The following HNMT variants were observed in gnomAD, a reference collection of about 807,000 sequenced individuals.
HNMT encodes histamine N-methyltransferase.
Under a neutral mutation model 32.1 loss-of-function variants are expected in HNMT, and 30 were observed. The observed-to-expected ratio is 0.93, with a 90% CI of 0.70 to 1.27. The LOEUF (loss-of-function observed/expected upper bound fraction) is 1.27, where lower values mean the gene tolerates loss of function less well. HNMT is among the 50% of genes most tolerant of loss of function. The probability of loss-of-function intolerance (pLI) is 0.00; values close to 1 mark genes in which losing one functional copy is unlikely to be tolerated. For missense variants in HNMT, 327 were observed against 346.0 expected, an observed-to-expected ratio of 0.95 and a Z score of 0.43; for synonymous variants, 125 against 119.0, an observed-to-expected ratio of 1.05 and a Z score of -0.33.
chr2:137,989,719 G>A (rs116421962), intron 2 of HNMT, among the ~76,000 whole-genome samples: 31 of 152,304 alleles, frequency 2.0e-4, no homozygotes, highest in Admixed American at 4.6e-4. Flanking sequence ...CACCAGCAGC[G>A]AATGAGAGTT....
chr2:138,015,036 T>C lies in HNMT; in HGVS notation c.*906T>C, dbSNP rs553476503. On this transcript the variant is annotated 3_prime_UTR_variant, in exon 6 of 6. Coordinates refer to ENST00000280097, the MANE Select transcript of HNMT (RefSeq NM_006895.3). ...AGCTTAAAATGCAGCTTTTACCAGA[T>C]TTCTAGGAATTGGGTAAATGCAAGG... is the stretch of plus-strand genomic sequence containing the variant. 6.0e-4 allele frequency: 92 copies of C among 152,118 alleles called. No homozygotes were observed. Among genetic ancestry groups the C allele is most frequent in the Admixed American group, 1.3e-3 (20 of 15,256 alleles). The allele number at this position is 152,118 out of a possible 1,614,324, so 9.4% of individuals were successfully genotyped here. A position where few individuals can be genotyped will look rare whatever the true frequency, so the allele number is the denominator to read the frequency against.
chr2:137,976,778 A>G (rs926624247), intron 2 of HNMT, among the ~76,000 whole-genome samples: 1 of 152,360 alleles, frequency 6.6e-6, no homozygotes, highest in Admixed American at 6.5e-5. Context: ...TGTTAAATAT[A>G]TGATTAAAAA....
intron 5 of HNMT, among the ~76,000 whole-genome samples, chr2:138,009,727 TA>T (rs1377434751): frequency 6.6e-6 from 1 of 152,090 alleles, no homozygotes; most frequent in Non-Finnish European, 1.5e-5. Context: ...ACAAAATTAC[TA>T]CTCATTGTTT....
In HNMT at chr2:138,014,081, GGA is replaced by G. The variant is rs1558751052; in HGVS notation, c.831_832del (p.Lys278GlyfsTer4). On this transcript the variant is annotated frameshift_variant, in exon 6 of 6. Coordinates refer to ENST00000280097, the MANE Select transcript of HNMT (RefSeq NM_006895.3). LOFTEE classifies it high-confidence loss of function. ...CCTGAATTTAGTGCTAAGAAAGAGG[GGA>G]AGGTTCTTTTTAATAATACTCTGAG... is the stretch of plus-strand genomic sequence containing the variant. The G allele has an allele frequency of 4.4e-6, 7 of 1,607,676 alleles. No homozygotes were observed. The highest frequency in any genetic ancestry group is 1.7e-5 in the Admixed American group (1 of 59,280).
chr2:137,970,936 AGAAAG>A (rs1265022655), intron 2 of HNMT, among the ~76,000 whole-genome samples: 5 of 22,800 alleles, frequency 2.2e-4, no homozygotes, highest in African/African-American at 2.9e-4. Context: ...AAAAAAAAAA[AGAAAG>A]AAAGAAAGAA....
intron 2 of HNMT, among the ~76,000 whole-genome samples, chr2:137,997,700 T>C (rs1244785681): frequency 2.0e-5 from 3 of 152,276 alleles, no homozygotes; most frequent in East Asian, 3.9e-4. Context: ...TATAAATCAT[T>C]CTACTATAAA....
At chr2:138,009,385 C>T (rs1455976760) in intron 5 of HNMT, among the ~76,000 whole-genome samples, 3 of 151,848 alleles carry the variant, frequency 2.0e-5, no homozygotes, top group African/African-American at 7.2e-5. Flanking sequence ...GACCCAGCAA[C>T]CCTCTTATAG....
intron 2 of HNMT, among the ~76,000 whole-genome samples, chr2:137,978,718 C>T (rs1460660182): frequency 1.5e-5 from 2 of 135,532 alleles, no homozygotes; most frequent in Non-Finnish European, 3.1e-5. Flanking sequence ...TAGTATTATA[C>T]AATACATATG....
intron 5 of HNMT, among the ~76,000 whole-genome samples, chr2:138,006,416 C>T (rs1051328208): frequency 1.3e-5 from 2 of 151,958 alleles, no homozygotes; most frequent in African/African-American, 4.8e-5. Flanking sequence ...GAATATATTT[C>T]ATCTCAATAG....
chr2:138,006,430 G>A lies in HNMT; in HGVS notation c.523+1205G>A, dbSNP rs114764990. On this transcript the variant is annotated intron_variant, in intron 5 of 5. Coordinates refer to ENST00000280097, the MANE Select transcript of HNMT (RefSeq NM_006895.3). ...AGAATATATTTCATCTCAATAGTAG[G>A]TCTAATCTCTTATTTATATTTGGCT... Among the ~76,000 whole-genome samples, 918 of 152,020 alleles carry A rather than the reference G, an allele frequency of 6.0e-3. 8 individuals carry two copies. Among genetic ancestry groups the A allele is most frequent in the African/African-American group, 0.021 (856 of 41,494 alleles).
intron 5 of HNMT, among the ~76,000 whole-genome samples, chr2:138,006,124 G>C (rs967543735): frequency 6.6e-6 from 1 of 151,852 alleles, no homozygotes; most frequent in African/African-American, 2.4e-5. Flanking sequence ...CTCCTGCAAG[G>C]GAACATTTAG....
intron 2 of HNMT, among the ~76,000 whole-genome samples, chr2:137,995,889 A>G (rs927087118): frequency 1.3e-5 from 2 of 152,222 alleles, no homozygotes; most frequent in African/African-American, 4.8e-5. Context: ...AACATAATCT[A>G]TCACATAAAC....
chr2:138,001,067 A>G, intron 3 of HNMT, 42 bp downstream of exon 3: 1 of 1,003,124 alleles, frequency 1.0e-6, no homozygotes, highest in Non-Finnish European at 1.5e-6. Context: ...TCCTATCCCA[A>G]AAGACTTAAC....
intron 1 of HNMT, chr2:137,967,384 A>G (rs901161387): frequency 3.0e-5 from 12 of 405,842 alleles, no homozygotes; most frequent in African/African-American, 2.4e-4. Flanking sequence ...CCTGGATGAC[A>G]GAGTGAGAAC....
chr2:137,964,843 T>G lies in HNMT; in HGVS notation c.137+215T>G, dbSNP rs546518339. Among the ~76,000 whole-genome samples, 4 of 152,268 alleles carry G rather than the reference T, an allele frequency of 2.6e-5. No homozygotes were observed. In the South Asian group the frequency reaches 8.3e-4, roughly 32 times the overall value. The stretch of plus-strand genomic sequence containing the variant: ...CTTTGAACACTCAAAGGCTCCCATT[T>G]GTGTTGTATTTCCAGCTGCATAGAG... On this transcript the variant is annotated intron_variant, in intron 1 of 5. Coordinates refer to ENST00000280097, the MANE Select transcript of HNMT (RefSeq NM_006895.3).
At chr2:137,996,190 CAAAT>C (rs2104967157) in intron 2 of HNMT, among the ~76,000 whole-genome samples, 1 of 152,122 alleles carries the variant, frequency 6.6e-6, no homozygotes, top group Non-Finnish European at 1.5e-5. Context: ...GCAATAGAAA[CAAAT>C]AAAAGGTATT....
At chr2:138,007,251 G>T (rs1190836460) in intron 5 of HNMT, among the ~76,000 whole-genome samples, 1 of 151,876 alleles carries the variant, frequency 6.6e-6, no homozygotes, top group Non-Finnish European at 1.5e-5. Context: ...GGCTTTCTAC[G>T]TCTCTCTCTC....
intron 2 of HNMT, among the ~76,000 whole-genome samples, chr2:137,975,794 A>T (rs774954707): frequency 2.6e-5 from 4 of 152,230 alleles, no homozygotes; most frequent in Non-Finnish European, 5.9e-5. Flanking sequence ...AACAGTACAG[A>T]TCAACAAACT....
chr2:138,001,100 T>A, intron 3 of HNMT, 75 bp downstream of exon 3: 1 of 709,640 alleles, frequency 1.4e-6, no homozygotes, highest in Non-Finnish European at 2.4e-6. Flanking sequence ...CTTGAATGAT[T>A]AAAAATATAG....
Sources: gnomAD v4.1 joint callset for allele counts (sites outside exome capture counted in the v4.1 genomes callset) on GRCh38, gnomAD v4.1.1 for gene constraint, MANE v1.5 for transcripts, NCBI Gene and HGNC (gene_info 2026-07-23, HGNC 2026-07-21) for gene names.